KIF5A: variants seen among roughly 807,000 people sequenced by gnomAD.
KIF5A encodes kinesin heavy chain isoform 5A.
In KIF5A, 35 loss-of-function variants were observed where a neutral mutation model predicts 141.3. That is an observed-to-expected ratio of 0.25 (90% CI 0.19 to 0.33). The LOEUF (loss-of-function observed/expected upper bound fraction) is 0.33, where lower values mean the gene tolerates loss of function less well. KIF5A is among the 10% of genes least tolerant of loss of function. KIF5A has a pLI of 1.00. For missense variants in KIF5A, 861 were observed against 1,314.3 expected (o/e 0.66, Z 5.33); for synonymous variants, 448 against 500.2 (o/e 0.90, Z 1.39).
At chr12:57,579,317 C>G (rs998429990) in intron 23 of KIF5A, among the ~76,000 whole-genome samples, 1 of 152,168 alleles carries the variant, frequency 6.6e-6, no homozygotes, top group Non-Finnish European at 1.5e-5. Flanking sequence ...GCCTTGAAGA[C>G]AGGCTCGGCA....
At chr12:57,581,268 C>T in intron 24 of KIF5A, 96 bp downstream of exon 24, 2 of 1,492,530 alleles carry the variant, frequency 1.3e-6, no homozygotes, top group Admixed American at 1.9e-5. Flanking sequence ...TTCTTACCTA[C>T]CCCTAGCCTC....
In KIF5A at chr12:57,575,178, G is replaced by A. The variant is rs931757596; in HGVS notation, c.1811G>A (p.Arg604Gln). 9.3e-6 allele frequency: 15 copies of A among 1,614,010 alleles called. No individual in the cohort carries two copies. Among genetic ancestry groups the A allele is most frequent in the Non-Finnish European group, 1.2e-5 (14 of 1,179,968 alleles). The change falls in exon 16 of 29, where the codon CGG becomes CAG. Residue 604 changes from arginine to glutamine, a missense_variant. Coordinates refer to ENST00000455537, the MANE Select transcript of KIF5A (RefSeq NM_004984.4). ...TCAGAAGTCAAGTCTGTGGTCAAGC[G>A]GTGCCGGCAGCTGGAGAACCTCCAG... is the stretch of plus-strand genomic sequence containing the variant. ...IKSEVKSVVK[R>Q]CRQLENLQVE...
At chr12:57,580,679 TG>T (rs1882567973) in intron 23 of KIF5A, among the ~76,000 whole-genome samples, 1 of 152,212 alleles carries the variant, frequency 6.6e-6, no homozygotes, top group Non-Finnish European at 1.5e-5. Context: ...AGTTCTGGGC[TG>T]CAGTGGAGAT....
chr12:57,565,073 C>T, intron 6 of KIF5A, 100 bp downstream of exon 6: 1 of 1,076,460 alleles, frequency 9.3e-7, no homozygotes, highest in Admixed American at 1.8e-5. Flanking sequence ...GGGTGGATAT[C>T]CTGGAGGAAT....
Position 57,569,672 on chromosome 12 carries a change from G to T in KIF5A, c.1106G>T (p.Arg369Leu), listed in dbSNP as rs1390179670. The change falls in exon 11 of 29, where the codon CGG becomes CTG. Residue 369 changes from arginine (R) to leucine (L), a missense_variant. This residue lies in a region of KIF5A where 167 missense variants were observed against 192.0 expected (regional missense o/e 0.87). Transcript: ENST00000455537. ...TIAKLEAELS[R>L]WRNGENVPET... ...GCGAAGCTGGAGGCTGAGCTGAGCCGGTGGCGCAATGGTTAGAGAGGGATA... is the reference window on the plus strand; with the variant it reads ...GCGAAGCTGGAGGCTGAGCTGAGCCTGTGGCGCAATGGTTAGAGAGGGATA... 6.2e-7 allele frequency: 1 copy of T among 1,613,818 alleles called. No individual in the cohort carries two copies. Among genetic ancestry groups the T allele is most frequent in the South Asian group, 1.1e-5 (1 of 91,072 alleles).
At chr12:57,568,861 C>G (rs1013849536) in intron 8 of KIF5A, 102 bp from the exon 9 acceptor site, 2 of 768,486 alleles carry the variant, frequency 2.6e-6, no homozygotes, top group Non-Finnish European at 4.5e-6. Flanking sequence ...ATCTTCTTCC[C>G]TGTTCCTTCC....
chr12:57,581,377 C>G (rs1882593676), intron 24 of KIF5A, 38 bp from the exon 25 acceptor site: 1 of 1,612,246 alleles, frequency 6.2e-7, no homozygotes. Context: ...AATGCAGGGT[C>G]ATAGCCTCCT....
rs1376496207 is a variant in KIF5A at position 57,550,297 on chromosome 12, G to A, written c.26G>A (p.Ser9Asn). 1 of 1,614,202 alleles carries A rather than the reference G, an allele frequency of 6.2e-7. No homozygotes were observed. The highest frequency in any genetic ancestry group is 1.1e-5 in the South Asian group (1 of 91,084). Residue 9 changes from serine to asparagine, a missense_variant, in exon 1 of 29, where the codon AGC becomes AAC. By Grantham distance (46) the Ser-to-Asn change is conservative. Transcript: ENST00000455537. The surrounding 1 kb of genome is among the most constrained non-coding windows in gnomAD (Gnocchi z 4.6). ...ATGGCGGAGACCAACAACGAATGTA[G>A]CATCAAGGTGCTCTGCCGATTCCGG... MAETNNECSIKVLCRFRPL... is the reference protein window; with the variant it reads MAETNNECNIKVLCRFRPL...
At chr12:57,576,999 G>A (rs747426656) in intron 20 of KIF5A, 137 bp downstream of exon 20, 4 of 671,926 alleles carry the variant, frequency 6.0e-6, no homozygotes, top group Non-Finnish European at 1.1e-5. Flanking sequence ...GGGTAGGGAC[G>A]GGACCAAAAG....
At chr12:57,563,295 A>C in intron 1 of KIF5A, 144 bp from the exon 2 acceptor site, 2 of 717,242 alleles carry the variant, frequency 2.8e-6, no homozygotes, top group South Asian at 1.5e-5. Flanking sequence ...GTGAGCCACC[A>C]CGCCCGGCCA....
intron 8 of KIF5A, 22 bp downstream of exon 8, chr12:57,567,640 G>A: frequency 6.2e-7 from 1 of 1,606,490 alleles, no homozygotes. Flanking sequence ...TGTGGATATG[G>A]GGTGGGTGGA....
At chr12:57,575,558 A>G in intron 16 of KIF5A, 82 bp from the exon 17 acceptor site, 1 of 1,166,490 alleles carries the variant, frequency 8.6e-7, no homozygotes, top group Non-Finnish European at 1.3e-6. Context: ...GGCTGGGAGG[A>G]GAGCTGGAGT....
intron 15 of KIF5A, among the ~76,000 whole-genome samples, chr12:57,573,358 T>G (rs1390964391): frequency 1.3e-5 from 2 of 151,852 alleles, no homozygotes; most frequent in East Asian, 3.9e-4. Flanking sequence ...AGTGAAACCC[T>G]ATCTCTACAA....
In KIF5A at chr12:57,572,789, C is replaced by A; in HGVS notation, c.1716+63C>A. ...CACTAGTGGAAGACGCAAGATGAGC[C>A]ATCCAGGCCTTCACAGATACTGAGA... is the stretch of plus-strand genomic sequence containing the variant. On this transcript the variant is annotated intron_variant, in intron 15 of 28. Transcript: ENST00000455537. This position sits in a 1 kb window ranked among gnomAD's most constrained non-coding sequence, Gnocchi z 4.2. 6.3e-7 allele frequency: 1 copy of A among 1,588,778 alleles called. No individual in the cohort carries two copies.
chr12:57,580,425 G>T (rs562597664), intron 23 of KIF5A, among the ~76,000 whole-genome samples: 1 of 152,188 alleles, frequency 6.6e-6, no homozygotes, highest in Non-Finnish European at 1.5e-5. Flanking sequence ...GTGTATGTCA[G>T]GGGCTCCTGA....
intron 8 of KIF5A, among the ~76,000 whole-genome samples, chr12:57,568,432 A>G (rs554246158): frequency 5.9e-5 from 9 of 152,052 alleles, no homozygotes; most frequent in African/African-American, 2.2e-4. Flanking sequence ...TTTCATATAA[A>G]TGGAATCATA....
intron 6 of KIF5A, among the ~76,000 whole-genome samples, chr12:57,566,785 T>C: frequency 6.6e-6 from 1 of 150,436 alleles, no homozygotes; most frequent in Non-Finnish European, 1.5e-5. Context: ...CTCAAGCCTG[T>C]AATCCCAGCA....
intron 26 of KIF5A, 121 bp from the exon 27 acceptor site, chr12:57,582,481 G>A: frequency 2.4e-6 from 2 of 829,300 alleles, no homozygotes; most frequent in South Asian, 2.8e-5. Context: ...AGGAGAAAGT[G>A]TCACAGCTTA....
rs1565699505 is a variant in KIF5A, at chr12:57,570,182, G to T, written c.1293+20G>T. The T allele has an allele frequency of 1.9e-6, 3 of 1,611,188 alleles. No individual in the cohort carries two copies. The highest frequency in any genetic ancestry group is 2.2e-5 in the East Asian group (1 of 44,834). ...GACAAGGTGAGGGCGGCCAGGCAGGGCACTGAGGCACGCCAGGTGGGATGA... is the reference window on the plus strand; with the variant it reads ...GACAAGGTGAGGGCGGCCAGGCAGGTCACTGAGGCACGCCAGGTGGGATGA... On this transcript the variant is annotated intron_variant, in intron 12 of 28. Coordinates refer to ENST00000455537, the MANE Select transcript of KIF5A (RefSeq NM_004984.4).
Sources: gnomAD v4.1 joint callset for allele counts (sites outside exome capture counted in the v4.1 genomes callset) on GRCh38, gnomAD v4.1.1 for gene constraint, gnomAD v4.1.1 regional missense constraint, Gnocchi (gnomAD v3.1) non-coding constraint, MANE v1.5 for transcripts, NCBI Gene and HGNC (gene_info 2026-07-23, HGNC 2026-07-21) for gene names.